The following EYS variants were observed in gnomAD, a reference collection of about 807,000 sequenced individuals.
EYS encodes EGF-like photoreceptor maintenance factor, also known as protein eyes shut homolog.
A neutral mutation model predicts 282.1 loss-of-function variants in EYS; 250 were observed. The observed-to-expected ratio is 0.89, with a 90% CI of 0.80 to 0.98. EYS has a LOEUF of 0.98. Among genes scored for constraint, EYS ranks in the 50% least tolerant of loss-of-function variants. The probability of loss-of-function intolerance (pLI) is 0.00; values close to 1 mark genes in which losing one functional copy is unlikely to be tolerated. For synonymous variants in EYS, 1,355 were observed against 1,282.9 expected, an observed-to-expected ratio of 1.06 and a Z score of -1.20; for missense variants, 4,016 against 3,709.0, an observed-to-expected ratio of 1.08 and a Z score of -2.15.
chr6:64,664,618 T>C (rs1000741839), intron 22 of EYS, among the ~76,000 whole-genome samples: 5 of 152,206 alleles, frequency 3.3e-5, no homozygotes, highest in African/African-American at 4.8e-5. Flanking sequence ...CTGGGTTTAA[T>C]TGGGAGGTGA....
At chr6:65,114,852 C>T (rs975619) in intron 12 of EYS, among the ~76,000 whole-genome samples, 39,773 of 151,692 alleles carry the variant, frequency 0.26, 6,404 homozygotes, top group African/African-American at 0.45. Context: ...CACAATTATA[C>T]GCCCTCTATT....
At chr6:65,295,790 A>G in intron 12 of EYS, 73 bp downstream of exon 12, 5 of 1,214,786 alleles carry the variant, frequency 4.1e-6, no homozygotes, top group South Asian at 1.5e-5. Context: ...GATATATTTG[A>G]GATATATCAA....
intron 35 of EYS, among the ~76,000 whole-genome samples, chr6:63,963,289 A>G (rs901972662): frequency 3.9e-5 from 6 of 152,146 alleles, no homozygotes; most frequent in African/African-American, 1.4e-4. Context: ...AAGAAATGCT[A>G]ATTTGAAAAA....
chr6:65,427,501 T>C (rs910295849), intron 5 of EYS, among the ~76,000 whole-genome samples: 3 of 152,076 alleles, frequency 2.0e-5, no homozygotes, highest in African/African-American at 7.2e-5. Context: ...CAATAGCCTA[T>C]TAATGTAATT....
intron 2 of EYS, among the ~76,000 whole-genome samples, chr6:65,497,454 A>G (rs910495532): frequency 6.6e-6 from 1 of 152,040 alleles, no homozygotes; most frequent in Non-Finnish European, 1.5e-5. Flanking sequence ...CTACATCTAA[A>G]GATTTTGAGG....
intron 34 of EYS, among the ~76,000 whole-genome samples, chr6:63,991,636 C>T (rs1767607181): frequency 6.6e-6 from 1 of 151,326 alleles, no homozygotes; most frequent in African/African-American, 2.4e-5. Flanking sequence ...AAAGACGGAT[C>T]ACTTGGATGT....
At position 64,372,130 on chromosome 6, in the gene EYS, G is replaced by GTTTT. The variant is rs201498090; in HGVS notation, c.6078+16556_6078+16559dup. The stretch of plus-strand genomic sequence containing the variant: ...TAGCATCACTGGTCTGTATACTTGT[G>GTTTT]TTTTTTTTTTTTTTTTTTTTTTTTT... On this transcript the variant is annotated intron_variant, in intron 29 of 42. Transcript: ENST00000503581. 3.0e-3 allele frequency among the ~76,000 whole-genome samples: 292 copies of GTTTT among 97,670 alleles called. 12 individuals carry two copies. The highest frequency in any genetic ancestry group is 7.5e-3 in the East Asian group (22 of 2,920). The allele number at this position is 97,670 out of a possible 152,430, so 64.1% of individuals were successfully genotyped here. A position where few individuals can be genotyped will look rare whatever the true frequency, so the allele number is the denominator to read the frequency against.
intron 29 of EYS, among the ~76,000 whole-genome samples, chr6:64,337,208 A>G (rs1356461411): frequency 6.6e-6 from 1 of 152,072 alleles, no homozygotes; most frequent in African/African-American, 2.4e-5. Flanking sequence ...CTTTGAAAAG[A>G]TAAATACAAT....
intron 22 of EYS, among the ~76,000 whole-genome samples, chr6:64,771,783 T>C (rs1163976935): frequency 1.3e-5 from 2 of 151,768 alleles, no homozygotes; most frequent in African/African-American, 2.4e-5. Flanking sequence ...ATGTTCATTT[T>C]GCTCTGAGTT....
intron 11 of EYS, 185 bp downstream of exon 11, chr6:65,334,795 A>G: frequency 3.5e-6 from 2 of 567,104 alleles, no homozygotes; most frequent in Non-Finnish European, 3.1e-6. Flanking sequence ...TAGAATTGTT[A>G]TACATAACAT....
chr6:64,556,796 A>T (rs529992415), intron 26 of EYS, among the ~76,000 whole-genome samples: 3 of 152,078 alleles, frequency 2.0e-5, no homozygotes, highest in African/African-American at 4.8e-5. Context: ...AATTGGAGAC[A>T]TAGATCTTCA....
At chr6:65,372,631 T>C (rs1582203115) in intron 8 of EYS, among the ~76,000 whole-genome samples, 1 of 152,192 alleles carries the variant, frequency 6.6e-6, no homozygotes, top group East Asian at 1.9e-4. Context: ...CACTCTCAAT[T>C]GTAAAGCAAC....
At chr6:65,197,698 C>T (rs1003964953) in intron 12 of EYS, among the ~76,000 whole-genome samples, 1 of 152,130 alleles carries the variant, frequency 6.6e-6, no homozygotes, top group East Asian at 1.9e-4. Context: ...GTACTGAAAA[C>T]TATAGTTAAG....
At chr6:64,372,944 T>C (rs895591630) in intron 29 of EYS, among the ~76,000 whole-genome samples, 6 of 152,202 alleles carry the variant, frequency 3.9e-5, no homozygotes, top group African/African-American at 1.4e-4. Flanking sequence ...ATAATGGCCA[T>C]TTTGTCTACC....
At chr6:64,665,421 CT>C (rs892017809) in intron 22 of EYS, among the ~76,000 whole-genome samples, 2 of 152,018 alleles carry the variant, frequency 1.3e-5, no homozygotes, top group Non-Finnish European at 1.5e-5. Context: ...GGCTCATAGA[CT>C]TTTTTTGTTT....
intron 22 of EYS, among the ~76,000 whole-genome samples, chr6:64,690,113 A>G (rs1770318879): frequency 6.6e-6 from 1 of 151,866 alleles, no homozygotes; most frequent in African/African-American, 2.4e-5. Context: ...TCTACAAAGA[A>G]CTCAAACAAA....
chr6:65,424,232 C>T (rs1023337261), intron 5 of EYS, among the ~76,000 whole-genome samples: 4 of 151,930 alleles, frequency 2.6e-5, no homozygotes, highest in Admixed American at 6.6e-5. Context: ...TCCATAATCT[C>T]CCTTTCATTA....
At chr6:64,829,230 C>T (rs1272923691) in intron 19 of EYS, among the ~76,000 whole-genome samples, 1 of 151,986 alleles carries the variant, frequency 6.6e-6, no homozygotes, top group African/African-American at 2.4e-5. Context: ...AAAGAAATAA[C>T]TCAGCCAGTT....
intron 26 of EYS, among the ~76,000 whole-genome samples, chr6:64,445,727 G>A (rs370093360): frequency 1.8e-4 from 28 of 151,988 alleles, no homozygotes; most frequent in Non-Finnish European, 3.4e-4. Context: ...TAGTCACTCC[G>A]TTTCCAAAAC....
Sources: gnomAD v4.1 joint callset for allele counts (sites outside exome capture counted in the v4.1 genomes callset) on GRCh38, gnomAD v4.1.1 for gene constraint, MANE v1.5 for transcripts, NCBI Gene and HGNC (gene_info 2026-07-23, HGNC 2026-07-21) for gene names.